Variants in OPN3 observed in about 807,000 individuals in gnomAD.
The protein encoded by OPN3 is opsin 3, also known as opsin-3.
OPN3 carries 29 observed loss-of-function variants against 33.8 expected under a neutral mutation model. The observed-to-expected ratio is 0.86, with a 90% CI of 0.64 to 1.17. The LOEUF (loss-of-function observed/expected upper bound fraction) is 1.17, where lower values mean the gene tolerates loss of function less well. Ranked by LOEUF, OPN3 falls within the 50% of genes most tolerant of loss-of-function variation. The probability of loss-of-function intolerance (pLI) is 0.00; values close to 1 mark genes in which losing one functional copy is unlikely to be tolerated. For synonymous variants in OPN3, 216 were observed against 216.1 expected (o/e 1.00, Z 0.00); for missense variants, 437 against 514.1 (o/e 0.85, Z 1.45).
chr1:241,595,349 T>C (rs1208811656), intron 3 of OPN3: 1 of 152,262 alleles, frequency 6.6e-6, no homozygotes, highest in African/African-American at 2.4e-5. Flanking sequence ...CTAAAGATCA[T>C]AATATCACAC....
chr1:241,640,075 C>G lies in OPN3; in HGVS notation c.180G>C (p.Leu60=), dbSNP rs778664915. Residue 60 remains leucine (L), a synonymous_variant, in exon 1 of 4, where the codon CTG becomes CTC. Transcript: ENST00000366554. The part of the protein sequence containing the change: ...SIGLLGVGNN[L]LVLVLYYKFQ... ...ACTTGTAGTAGAGGACGAGCACCAG[C>G]AGGTTGTTGCCGACGCCCAGCAGCC... 6.2e-7 allele frequency: 1 copy of G among 1,611,112 alleles called. No individual in the cohort carries two copies. Among genetic ancestry groups the G allele is most frequent in the Non-Finnish European group, 8.5e-7 (1 of 1,178,920 alleles).
At chr1:241,610,348 A>C (rs368310136) in intron 1 of OPN3, among the ~76,000 whole-genome samples, 8 of 152,238 alleles carry the variant, frequency 5.3e-5, no homozygotes, top group Admixed American at 2.6e-4. Flanking sequence ...GGGGAGCTGG[A>C]GAATGCAATG....
At chr1:241,635,663 A>G in intron 1 of OPN3, 2 of 1,614,094 alleles carry the variant, frequency 1.2e-6, no homozygotes, top group South Asian at 1.1e-5. Context: ...ATCAATATGC[A>G]GAACCCTCTG....
intron 1 of OPN3, chr1:241,634,174 A>T (rs777107327): frequency 1.2e-6 from 2 of 1,613,844 alleles, no homozygotes; most frequent in East Asian, 4.5e-5. Flanking sequence ...CAGTATACGG[A>T]GTGAATAATT....
At chr1:241,615,805 C>A in intron 1 of OPN3, 1 of 455,874 alleles carries the variant, frequency 2.2e-6, no homozygotes, top group Non-Finnish European at 4.4e-6. Flanking sequence ...GGCTCTATGA[C>A]TATAGTTACA....
At chr1:241,635,880 G>A (rs1664878718) in intron 1 of OPN3, 1 of 1,031,694 alleles carries the variant, frequency 9.7e-7, no homozygotes, top group Non-Finnish European at 1.4e-6. Flanking sequence ...CACTGAAGTT[G>A]CAGGTCCTAG....
intron 1 of OPN3, among the ~76,000 whole-genome samples, chr1:241,608,570 T>A (rs1030477561): frequency 6.6e-6 from 1 of 152,176 alleles, no homozygotes; most frequent in Admixed American, 6.5e-5. Flanking sequence ...CAGCTGCTAT[T>A]GGCAGGCTGT....
intron 1 of OPN3, among the ~76,000 whole-genome samples, chr1:241,626,901 T>C (rs921166203): frequency 1.3e-5 from 2 of 152,174 alleles, no homozygotes; most frequent in African/African-American, 4.8e-5. Flanking sequence ...AGGATTAAAC[T>C]ATAAAATGCC....
intron 1 of OPN3, chr1:241,629,675 G>A (rs940481570): frequency 6.6e-6 from 1 of 151,986 alleles, no homozygotes; most frequent in South Asian, 2.1e-4. Context: ...ACCACTATTG[G>A]TGTGAGACTT....
chr1:241,615,748 C>G, intron 1 of OPN3: 1 of 432,542 alleles, frequency 2.3e-6, no homozygotes, highest in Admixed American at 2.4e-5. Flanking sequence ...CTCACAAGCT[C>G]CTACTCCCAA....
chr1:241,624,307 C>A (rs907384209), intron 1 of OPN3, among the ~76,000 whole-genome samples: 8 of 151,306 alleles, frequency 5.3e-5, no homozygotes, highest in Admixed American at 5.3e-4. Flanking sequence ...GTCCTGCCTC[C>A]CGATGCCAGG....
intron 1 of OPN3, among the ~76,000 whole-genome samples, chr1:241,624,327 C>A (rs1048013011): frequency 5.3e-5 from 8 of 152,246 alleles, no homozygotes; most frequent in Admixed American, 2.6e-4. Context: ...GTCAGGCACT[C>A]CATGCTCCAG....
Position 241,640,338 on chromosome 1 carries a change from G to C in OPN3, c.-84C>G, listed in dbSNP as rs934008626. ...CGCGCTCCGCACTGGGTGGGGTTGG[G>C]GCTCCGCCGCCTGCTCTAGCCATTG... On this transcript the variant is annotated 5_prime_UTR_variant, in exon 1 of 4. Coordinates refer to ENST00000366554, the MANE Select transcript of OPN3 (RefSeq NM_014322.3). The C allele has an allele frequency of 9.4e-7, 1 of 1,068,500 alleles. No homozygotes were observed. The highest frequency in any genetic ancestry group is 1.7e-5 in the African/African-American group (1 of 58,918). 66.2% of individuals were successfully genotyped at this position (1,068,500 alleles called of 1,614,324 possible).
chr1:241,604,670 C>T lies in OPN3; in HGVS notation c.374-91G>A. On this transcript the variant is annotated intron_variant, in intron 1 of 3. Transcript: ENST00000366554. Reference sequence around the variant, plus strand: ...TACATTCTCCACTGGAAATACCTTACAGAGTATCTGAGATCGATAGAGTGC... The same window carrying T: ...TACATTCTCCACTGGAAATACCTTATAGAGTATCTGAGATCGATAGAGTGC... 4 of 1,168,610 alleles carry T rather than the reference C, an allele frequency of 3.4e-6. No homozygotes were observed. The South Asian group carries it at 4.6e-5, about 13-fold the overall frequency. 72.4% of individuals were successfully genotyped at this position (1,168,610 alleles called of 1,614,324 possible).
intron 2 of OPN3, among the ~76,000 whole-genome samples, chr1:241,601,933 A>G (rs904460663): frequency 1.3e-5 from 2 of 152,222 alleles, no homozygotes; most frequent in African/African-American, 4.8e-5. Flanking sequence ...AATATGACAA[A>G]TTAATCTTTA....
chr1:241,611,123 T>G (rs1178250131), intron 1 of OPN3, among the ~76,000 whole-genome samples: 1 of 152,138 alleles, frequency 6.6e-6, no homozygotes, highest in East Asian at 1.9e-4. Context: ...GCTTAAATAT[T>G]AATACAAGGT....
chr1:241,639,822 C>A, intron 1 of OPN3, 60 bp downstream of exon 1: 1 of 1,367,186 alleles, frequency 7.3e-7, no homozygotes, highest in Non-Finnish European at 9.5e-7. Flanking sequence ...ACGGAGCGGG[C>A]AGCGGGGTGG....
chr1:241,600,667 C>T (rs1327567913), intron 2 of OPN3: 4 of 152,180 alleles, frequency 2.6e-5, no homozygotes, highest in Admixed American at 6.5e-5. Context: ...AATAAGGAAA[C>T]GGAGGCAAAT....
At chr1:241,603,472 GT>G (rs3835406) in intron 2 of OPN3, among the ~76,000 whole-genome samples, 1,485 of 147,314 alleles carry the variant, frequency 0.01, 26 homozygotes, top group African/African-American at 0.035. Context: ...GATGTGTTTT[GT>G]TTTTTTTTTT....
Sources: allele counts gnomAD v4.1 joint callset (sites outside exome capture counted in the v4.1 genomes callset), GRCh38; gene constraint gnomAD v4.1.1; transcripts MANE v1.5; gene names NCBI Gene and HGNC (gene_info 2026-07-23, HGNC 2026-07-21).